Variants in CNTNAP2 observed in about 807,000 individuals in gnomAD.
CNTNAP2 encodes the protein contactin-associated protein-like 2.
Under a neutral mutation model 155.2 loss-of-function variants are expected in CNTNAP2, and 98 were observed. That is an observed-to-expected ratio of 0.63 (90% CI 0.54 to 0.75). The LOEUF (loss-of-function observed/expected upper bound fraction) is 0.75, where lower values mean the gene tolerates loss of function less well. Among genes scored for constraint, CNTNAP2 ranks in the 30% least tolerant of loss-of-function variants. The pLI is 0.00. For missense variants in CNTNAP2, 1,727 were observed against 1,688.1 expected (o/e 1.02, Z -0.40); for synonymous variants, 651 against 631.2 (o/e 1.03, Z -0.47).
chr7:146,768,482 T>C (rs1339147885), intron 1 of CNTNAP2, among the ~76,000 whole-genome samples: 2 of 151,088 alleles, frequency 1.3e-5, no homozygotes, highest in Non-Finnish European at 2.9e-5. Flanking sequence ...CATCAGGGGG[T>C]AGATAAAAGA....
intron 13 of CNTNAP2, among the ~76,000 whole-genome samples, chr7:147,655,208 C>T (rs969302270): frequency 1.3e-5 from 2 of 151,982 alleles, no homozygotes; most frequent in Admixed American, 6.6e-5. Flanking sequence ...CTGCATCCTC[C>T]GCCTCCTGGA....
intron 2 of CNTNAP2, among the ~76,000 whole-genome samples, chr7:146,826,754 A>C (rs1803408075): frequency 6.6e-6 from 1 of 151,932 alleles, no homozygotes; most frequent in South Asian, 2.1e-4. Context: ...GGATTTCTCC[A>C]AGATAATTGT....
At chr7:146,538,599 T>G (rs975678640) in intron 1 of CNTNAP2, among the ~76,000 whole-genome samples, 10 of 151,974 alleles carry the variant, frequency 6.6e-5, no homozygotes, top group African/African-American at 2.4e-4. Context: ...GGACAAACAC[T>G]TCTCCTACGG....
intron 16 of CNTNAP2, among the ~76,000 whole-genome samples, chr7:148,126,863 T>C (rs1367657203): frequency 6.6e-6 from 1 of 152,146 alleles, no homozygotes; most frequent in Non-Finnish European, 1.5e-5. Flanking sequence ...CCCCAAGATA[T>C]GGGCCACTCA....
chr7:146,444,189 A>T (rs565644302), intron 1 of CNTNAP2, among the ~76,000 whole-genome samples: 1 of 151,910 alleles, frequency 6.6e-6, no homozygotes, highest in Non-Finnish European at 1.5e-5. Context: ...CATGCCTGAC[A>T]AATTTTCATA....
At chr7:147,491,053 C>G (rs1415197466) in intron 11 of CNTNAP2, among the ~76,000 whole-genome samples, 1 of 152,102 alleles carries the variant, frequency 6.6e-6, no homozygotes, top group Non-Finnish European at 1.5e-5. Flanking sequence ...GTGGGGATTA[C>G]AGTTCAAGGT....
chr7:146,687,978 A>G (rs1800631626), intron 1 of CNTNAP2, among the ~76,000 whole-genome samples: 1 of 152,158 alleles, frequency 6.6e-6, no homozygotes, highest in South Asian at 2.1e-4. Flanking sequence ...ACTGGGGATT[A>G]TAATTTACAG....
intron 12 of CNTNAP2, among the ~76,000 whole-genome samples, chr7:147,623,336 T>C (rs1442969182): frequency 6.6e-6 from 1 of 152,138 alleles, no homozygotes; most frequent in African/African-American, 2.4e-5. Flanking sequence ...GCAGATGATA[T>C]GATCTTATAT....
chr7:147,975,438 T>A (rs1801413065), intron 14 of CNTNAP2, among the ~76,000 whole-genome samples: 1 of 149,050 alleles, frequency 6.7e-6, no homozygotes, highest in African/African-American at 2.5e-5. Context: ...ATTTTCATGA[T>A]CATTATTCAT....
At chr7:146,643,353 G>C (rs997921586) in intron 1 of CNTNAP2, among the ~76,000 whole-genome samples, 1 of 152,040 alleles carries the variant, frequency 6.6e-6, no homozygotes, top group African/African-American at 2.4e-5. Flanking sequence ...GTAAGGAAGG[G>C]ATCCAGTTTC....
Position 147,123,812 on chromosome 7 carries a change from G to A in CNTNAP2, c.939+2649G>A, listed in dbSNP as rs571803263. ...TCCTAGCACTTTGGGAGGCCAAGGC[G>A]GGTGGTTCACCTGTGCTCAGGAGTT... On this transcript the variant is annotated intron_variant, in intron 6 of 23. Coordinates refer to ENST00000361727, the MANE Select transcript of CNTNAP2 (RefSeq NM_014141.6). Among the ~76,000 whole-genome samples the A allele has an allele frequency of 9.2e-5, 14 of 152,176 alleles. No individual in the cohort carries two copies. The South Asian group carries it at 2.3e-3, about 25-fold the overall frequency.
At chr7:147,310,731 T>TA (rs59769518) in intron 9 of CNTNAP2, among the ~76,000 whole-genome samples, 4 of 151,994 alleles carry the variant, frequency 2.6e-5, no homozygotes, top group South Asian at 2.1e-4. Flanking sequence ...TAATCAGTGT[T>TA]AAAAAAAATT....
chr7:148,254,496 G>A (rs1478397379), intron 20 of CNTNAP2, among the ~76,000 whole-genome samples: 1 of 151,970 alleles, frequency 6.6e-6, no homozygotes, highest in Non-Finnish European at 1.5e-5. Context: ...AAAAACTTAG[G>A]CCATGCACGT....
intron 4 of CNTNAP2, among the ~76,000 whole-genome samples, chr7:147,080,382 C>T (rs1800097490): frequency 6.6e-6 from 1 of 151,908 alleles, no homozygotes; most frequent in South Asian, 2.1e-4. Context: ...GTATCCAGAC[C>T]CAGGCATATA....
At chr7:146,601,810 G>A (rs1025935136) in intron 1 of CNTNAP2, among the ~76,000 whole-genome samples, 3 of 152,062 alleles carry the variant, frequency 2.0e-5, no homozygotes, top group African/African-American at 7.2e-5. Flanking sequence ...ATAGGAAATG[G>A]TATGAATGCA....
At chr7:147,154,103 C>A (rs926956697) in intron 8 of CNTNAP2, among the ~76,000 whole-genome samples, 10 of 150,246 alleles carry the variant, frequency 6.7e-5, no homozygotes, top group African/African-American at 2.5e-4. Flanking sequence ...GCCCGCCCTC[C>A]CCCCACAAAA....
At chr7:147,641,509 T>TCA (rs148382658) in intron 13 of CNTNAP2, among the ~76,000 whole-genome samples, 6,593 of 152,204 alleles carry the variant, frequency 0.043, 430 homozygotes, top group Admixed American at 0.15. Context: ...TCAGTAGGTC[T>TCA]CAGGTGGTGC....
chr7:146,525,585 T>A (rs1008541402), intron 1 of CNTNAP2, among the ~76,000 whole-genome samples: 1 of 144,228 alleles, frequency 6.9e-6, no homozygotes, highest in African/African-American at 2.9e-5. Flanking sequence ...TCTCTCTATC[T>A]ATCATCTATC....
At chr7:148,235,831 G>A (rs940765546) in intron 20 of CNTNAP2, among the ~76,000 whole-genome samples, 5 of 151,990 alleles carry the variant, frequency 3.3e-5, no homozygotes, top group South Asian at 2.1e-4. Flanking sequence ...GAGTACAGGC[G>A]TGTGCCACCA....
Sources: gnomAD v4.1 joint callset for allele counts (sites outside exome capture counted in the v4.1 genomes callset) on GRCh38, gnomAD v4.1.1 for gene constraint, MANE v1.5 for transcripts, NCBI Gene and HGNC (gene_info 2026-07-23, HGNC 2026-07-21) for gene names.